Variants in PDXK observed in about 807,000 individuals in gnomAD.
PDXK encodes epididymis secretory sperm binding protein Li 1a.
In PDXK, 15 loss-of-function variants were observed where a neutral mutation model predicts 43.2. That is an observed-to-expected ratio of 0.35 (90% CI 0.23 to 0.53). PDXK has a LOEUF of 0.53. PDXK is among the 20% of genes least tolerant of loss of function. The pLI, the probability that PDXK is intolerant of heterozygous loss-of-function variation, is 0.92. For missense variants in PDXK, 343 were observed against 417.0 expected (o/e 0.82, Z 1.54); for synonymous variants, 172 against 165.4 (o/e 1.04, Z -0.31).
rs899163747 is a variant in PDXK, at chr21:43,735,286, G to A, written c.142+1163G>A. Among the ~76,000 whole-genome samples the A allele has an allele frequency of 3.3e-5, 5 of 152,204 alleles. No individual in the cohort carries two copies. Among genetic ancestry groups the A allele is most frequent in the Admixed American group, 1.3e-4 (2 of 15,284 alleles). ...TTATTTTTCAGTGAGTGAGCTGGCC[G>A]GCTTGGACACTAAAGCAGGGTGTTG... On this transcript the variant is annotated intron_variant, in intron 2 of 10. Coordinates refer to ENST00000291565, the MANE Select transcript of PDXK (RefSeq NM_003681.5). The surrounding 1 kb of genome is among the most constrained non-coding windows in gnomAD (Gnocchi z 5.3).
At chr21:43,729,158 G>A (rs761267285) in intron 1 of PDXK, 9 of 323,132 alleles carry the variant, frequency 2.8e-5, no homozygotes, top group Admixed American at 6.5e-5. Flanking sequence ...GCTTGTTTAC[G>A]GAGTTACACC....
At chr21:43,736,573 A>G (rs1179051159) in intron 2 of PDXK, among the ~76,000 whole-genome samples, 1 of 150,280 alleles carries the variant, frequency 6.7e-6, no homozygotes, top group Non-Finnish European at 1.5e-5. Context: ...AGCTGGGATG[A>G]TGCTGCCAGG....
chr21:43,725,340 C>T (rs1365285971), intron 1 of PDXK, among the ~76,000 whole-genome samples: 1 of 151,866 alleles, frequency 6.6e-6, no homozygotes, highest in African/African-American at 2.4e-5. Flanking sequence ...AAACAAAACA[C>T]CTGGTGTTTT....
Position 43,761,178 on chromosome 21 carries a change from A to G in PDXK, c.*5115A>G, listed in dbSNP as rs988376835. On this transcript the variant is annotated 3_prime_UTR_variant, in exon 11 of 11. Coordinates refer to ENST00000291565, the MANE Select transcript of PDXK (RefSeq NM_003681.5). ...CAAGAGATGTCCCCTTCCATCTCTG[A>G]CCCTTGCCTGGGACAAGCTTTGATG... The G allele has an allele frequency of 6.6e-6, 1 of 152,112 alleles. No homozygotes were observed. Among genetic ancestry groups the G allele is most frequent in the Non-Finnish European group, 1.5e-5 (1 of 68,026 alleles). The allele number at this position is 152,112 out of a possible 1,614,324, so 9.4% of individuals were successfully genotyped here.
At chr21:43,749,594 G>A (rs1173159195) in intron 6 of PDXK, among the ~76,000 whole-genome samples, 2 of 150,020 alleles carry the variant, frequency 1.3e-5, no homozygotes, top group East Asian at 2.0e-4. Context: ...CGCCTGGGTT[G>A]GAGAAGCCCC....
At chr21:43,736,309 C>T (rs1425982890) in intron 2 of PDXK, among the ~76,000 whole-genome samples, 6 of 152,190 alleles carry the variant, frequency 3.9e-5, no homozygotes, top group Admixed American at 6.5e-5. Flanking sequence ...TCCAGGGCTG[C>T]GCTCCCCGGG....
chr21:43,723,262 C>T lies in PDXK; in HGVS notation c.87+3881C>T, dbSNP rs1289472693. Among the ~76,000 whole-genome samples, 1 of 151,752 alleles carries T rather than the reference C, an allele frequency of 6.6e-6. No individual in the cohort carries two copies. Among genetic ancestry groups the T allele is most frequent in the African/African-American group, 2.4e-5 (1 of 41,242 alleles). ...CTCCCCCTTCCAGGTACAAGCAATTCTCCTGCCTCAGCCTCCTGAGTAGCT... is the reference window on the plus strand; with the variant it reads ...CTCCCCCTTCCAGGTACAAGCAATTTTCCTGCCTCAGCCTCCTGAGTAGCT... On this transcript the variant is annotated intron_variant, in intron 1 of 10. Transcript: ENST00000291565. The surrounding 1 kb of genome is among the most constrained non-coding windows in gnomAD (Gnocchi z 4.1).
intron 1 of PDXK, among the ~76,000 whole-genome samples, chr21:43,728,452 G>C: frequency 6.6e-6 from 1 of 152,192 alleles, no homozygotes; most frequent in South Asian, 2.1e-4. Flanking sequence ...CCCCTGGAAC[G>C]CCTGGAACTA....
At chr21:43,744,939 A>G (rs2083611000) in intron 4 of PDXK, among the ~76,000 whole-genome samples, 1 of 152,174 alleles carries the variant, frequency 6.6e-6, no homozygotes, top group South Asian at 2.1e-4. Flanking sequence ...AAAGGAAGGA[A>G]ATTCTGACAC....
rs1274286480 is a variant in PDXK, at chr21:43,740,950, A to G, written c.143-717A>G. On this transcript the variant is annotated intron_variant, in intron 2 of 10. Coordinates refer to ENST00000291565, the MANE Select transcript of PDXK (RefSeq NM_003681.5). ...GAATAGCTGGGGACTAATGCAGGAG[A>G]CGCTGGGAAACAAGAGACTGTGACG... 5 of 149,838 alleles carry G rather than the reference A, an allele frequency of 3.3e-5. No homozygotes were observed. The East Asian group carries it at 1.0e-3, about 30-fold the overall frequency. The allele number at this position is 149,838 out of a possible 1,614,324, so 9.3% of individuals were successfully genotyped here. A position where few individuals can be genotyped will look rare whatever the true frequency, so the allele number is the denominator to read the frequency against.
chr21:43,730,072 G>C (rs902304882), intron 1 of PDXK, among the ~76,000 whole-genome samples: 7 of 152,016 alleles, frequency 4.6e-5, no homozygotes, highest in Non-Finnish European at 8.8e-5. Context: ...CGTCACAGCA[G>C]GTATGGACAT....
Position 43,746,091 on chromosome 21 carries a change from T to C in PDXK, c.344T>C (p.Val115Ala). Residue 115 changes from valine to alanine, a missense_variant, in exon 5 of 11, where the codon GTC becomes GCC. Coordinates refer to ENST00000291565, the MANE Select transcript of PDXK (RefSeq NM_003681.5). ...TGTGTCTCTGCAGTGTGTGATCCAG[T>C]CTTGGGTGACAAGTGGGACGGCGAA... The part of the protein sequence containing the change: ...NPRLVYVCDP[V>A]LGDKWDGEGS... 1 of 1,613,768 alleles carries C rather than the reference T, an allele frequency of 6.2e-7. No homozygotes were observed. Among genetic ancestry groups the C allele is most frequent in the Non-Finnish European group, 8.5e-7 (1 of 1,179,618 alleles).
intron 7 of PDXK, 55 bp from the exon 8 acceptor site, chr21:43,752,463 C>T (rs1054553550): frequency 2.5e-6 from 3 of 1,220,726 alleles, no homozygotes; most frequent in Admixed American, 3.4e-5. Flanking sequence ...GGGGTGTGAC[C>T]AGCCGTGGCT....
Position 43,746,129 on chromosome 21 carries a change from A to T in PDXK, c.378+4A>T. On this transcript the variant is annotated splice_donor_region_variant and intron_variant, in intron 5 of 10. Coordinates refer to ENST00000291565, the MANE Select transcript of PDXK (RefSeq NM_003681.5). The stretch of plus-strand genomic sequence containing the variant: ...GTGGGACGGCGAAGGCTCGATGGTG[A>T]GTAGTTTCACGTGTGTGATTTAAAA... 3 of 1,610,776 alleles carry T rather than the reference A, an allele frequency of 1.9e-6. No homozygotes were observed. Among genetic ancestry groups the T allele is most frequent in the Non-Finnish European group, 2.5e-6 (3 of 1,176,932 alleles).
At chr21:43,740,351 G>T (rs568067343) in intron 2 of PDXK, among the ~76,000 whole-genome samples, 2 of 152,144 alleles carry the variant, frequency 1.3e-5, no homozygotes, top group Admixed American at 1.3e-4. Context: ...GGCATGGCGC[G>T]TGGGCGCAGA....
intron 3 of PDXK, 48 bp downstream of exon 3, chr21:43,741,819 G>A (rs1266070334): frequency 3.9e-6 from 5 of 1,289,762 alleles, no homozygotes; most frequent in Non-Finnish European, 5.6e-6. Context: ...CCCCACTCCA[G>A]CCAGGGTGGG....
At position 43,726,999 on chromosome 21, in the gene PDXK, T is replaced by C. The variant is rs540978610; in HGVS notation, c.88-7070T>C. Among the ~76,000 whole-genome samples the C allele has an allele frequency of 1.0e-3, 153 of 152,338 alleles. 2 individuals are homozygous for C. The highest frequency in any genetic ancestry group is 1.8e-3 in the Non-Finnish European group (120 of 68,030). ...TGTGTCATGGGCATGCATGTGTGTG[T>C]ATGCGGTGTGTTGCTCTGCAGGCCC... is the stretch of plus-strand genomic sequence containing the variant. On this transcript the variant is annotated intron_variant, in intron 1 of 10. Transcript: ENST00000291565.
intron 7 of PDXK, among the ~76,000 whole-genome samples, chr21:43,752,128 C>T (rs1466931425): frequency 4.6e-5 from 7 of 150,816 alleles, no homozygotes; most frequent in African/African-American, 1.5e-4. Flanking sequence ...TGTGTGTGTG[C>T]GCGCGCGTGC....
At chr21:43,736,821 C>T (rs1284728052) in intron 2 of PDXK, 3 of 654,768 alleles carry the variant, frequency 4.6e-6, no homozygotes, top group East Asian at 5.5e-5. Context: ...TTCATAGAGA[C>T]GGAGTCTCAC....
Sources: gnomAD v4.1 joint callset for allele counts (sites outside exome capture counted in the v4.1 genomes callset) on GRCh38, gnomAD v4.1.1 for gene constraint, Gnocchi (gnomAD v3.1) non-coding constraint, MANE v1.5 for transcripts, NCBI Gene and HGNC (gene_info 2026-07-23, HGNC 2026-07-21) for gene names.